The following KSR1 variants were observed in gnomAD, a reference collection of about 807,000 sequenced individuals.
KSR1 encodes the protein kinase suppressor of ras.
In KSR1, 35 loss-of-function variants were observed where a neutral mutation model predicts 92.9. The ratio of observed to expected loss-of-function variants is 0.38; its 90% CI spans 0.29 to 0.50. The LOEUF is 0.50. Among genes scored for constraint, KSR1 ranks in the 20% least tolerant of loss-of-function variants. KSR1 has a pLI of 0.94. For missense variants in KSR1, 972 were observed against 1,158.5 expected (o/e 0.84, Z 2.34); for synonymous variants, 467 against 472.6 (o/e 0.99, Z 0.15).
chr17:27,562,897 A>T (rs2071889581), intron 2 of KSR1, among the ~76,000 whole-genome samples: 2 of 152,168 alleles, frequency 1.3e-5, no homozygotes, highest in Admixed American at 6.5e-5. Flanking sequence ...TTCCTTTGCC[A>T]CTTGCCAGCA....
rs1251298946 is a variant in KSR1 at position 27,601,163 on chromosome 17, C to T, written c.1469-197C>T. 3 of 586,942 alleles carry T rather than the reference C, an allele frequency of 5.1e-6. No homozygotes were observed. In the African/African-American group the frequency reaches 5.6e-5, roughly 11 times the overall value. 36.4% of individuals were successfully genotyped at this position (586,942 alleles called of 1,614,324 possible). ...GCAAGCCCCTTTAGTCCTGCAGACT[C>T]CTGCCAGGGCCCATTTTCTCCCAGC... On this transcript the variant is annotated intron_variant, in intron 10 of 20. Coordinates refer to ENST00000644974, the MANE Select transcript of KSR1 (RefSeq NM_001394583.1).
chr17:27,541,703 C>T (rs1449109907), intron 1 of KSR1, among the ~76,000 whole-genome samples: 3 of 152,208 alleles, frequency 2.0e-5, no homozygotes, highest in African/African-American at 7.2e-5. Context: ...GTTGGAATCC[C>T]TTCTTTAACC....
At chr17:27,499,823 C>T (rs1026415754) in intron 1 of KSR1, among the ~76,000 whole-genome samples, 3 of 152,214 alleles carry the variant, frequency 2.0e-5, no homozygotes, top group African/African-American at 7.2e-5. Context: ...CATCAGCCAC[C>T]ACCAAAGCAG....
chr17:27,555,523 TG>T (rs1178316440), intron 2 of KSR1, among the ~76,000 whole-genome samples: 7 of 151,078 alleles, frequency 4.6e-5, no homozygotes, highest in Non-Finnish European at 8.9e-5. Context: ...TGTGTGTGTG[TG>T]TGTGTGTGTG....
rs370709755 is a variant in KSR1 at position 27,619,984 on chromosome 17, C to G, written c.2628-1209C>G. Among the ~76,000 whole-genome samples, 10 of 152,336 alleles carry G rather than the reference C, an allele frequency of 6.6e-5. No individual in the cohort carries two copies. The East Asian group carries it at 1.5e-3, about 24-fold the overall frequency. ...CAGTGCTGGGATTACAGGCATGAGC[C>G]ACCGCGCCCGGCCTTCGGGCCCTGT... On this transcript the variant is annotated intron_variant, in intron 19 of 20. Coordinates refer to ENST00000644974, the MANE Select transcript of KSR1 (RefSeq NM_001394583.1).
chr17:27,545,273 C>G (rs554493251), intron 1 of KSR1, among the ~76,000 whole-genome samples: 1 of 152,214 alleles, frequency 6.6e-6, no homozygotes, highest in African/African-American at 2.4e-5. Flanking sequence ...ATGTTCAGAC[C>G]CCTGTCTCAT....
At chr17:27,585,516 A>G (rs1598085927) in intron 4 of KSR1, 141 bp from the exon 5 acceptor site, 1 of 698,912 alleles carries the variant, frequency 1.4e-6, no homozygotes, top group Non-Finnish European at 2.7e-6. Flanking sequence ...CCCAGAGTCA[A>G]TCAGCCAGTC....
intron 1 of KSR1, among the ~76,000 whole-genome samples, chr17:27,484,081 G>A (rs1193394375): frequency 6.6e-6 from 1 of 152,126 alleles, no homozygotes; most frequent in Non-Finnish European, 1.5e-5. Flanking sequence ...GCTGACTTGG[G>A]GTGTGAGAAA....
At chr17:27,541,953 G>A (rs1419990397) in intron 1 of KSR1, among the ~76,000 whole-genome samples, 3 of 152,228 alleles carry the variant, frequency 2.0e-5, no homozygotes, top group African/African-American at 7.2e-5. Context: ...CCCACATCCC[G>A]ATGTAGCTTT....
chr17:27,619,205 C>A (rs547522434), intron 19 of KSR1, among the ~76,000 whole-genome samples: 18 of 152,248 alleles, frequency 1.2e-4, no homozygotes, highest in African/African-American at 4.3e-4. Flanking sequence ...AACTCCCATA[C>A]CTGGCGCCAG....
intron 18 of KSR1, among the ~76,000 whole-genome samples, chr17:27,616,618 G>T (rs968816671): frequency 6.6e-6 from 1 of 152,178 alleles, no homozygotes; most frequent in African/African-American, 2.4e-5. Flanking sequence ...GTATTTAAGA[G>T]CAAAAGCCTG....
chr17:27,534,574 T>A (rs1189748384), intron 1 of KSR1, among the ~76,000 whole-genome samples: 1 of 152,240 alleles, frequency 6.6e-6, no homozygotes, highest in Non-Finnish European at 1.5e-5. Context: ...TCTGTTGGCC[T>A]CTAGGCCCCA....
intron 15 of KSR1, 120 bp downstream of exon 15, chr17:27,608,130 C>A: frequency 1.5e-6 from 1 of 670,462 alleles, no homozygotes; most frequent in Non-Finnish European, 2.7e-6. Flanking sequence ...CTCCTTCTAG[C>A]TCAGGCTCCT....
Position 27,568,759 on chromosome 17 carries a change from C to G in KSR1, c.373-8733C>G, listed in dbSNP as rs139325611. Among the ~76,000 whole-genome samples, 18 of 152,376 alleles carry G rather than the reference C, an allele frequency of 1.2e-4. 1 individual carries two copies. Among genetic ancestry groups the G allele is most frequent in the African/African-American group, 4.3e-4 (18 of 41,588 alleles). ...TTGCCGGCAACAGTCCCAGCTGAGG[C>G]CTGCTGTCAGGGCTCTGCCTTCCGT... On this transcript the variant is annotated intron_variant, in intron 2 of 20. Transcript: ENST00000644974.
intron 1 of KSR1, among the ~76,000 whole-genome samples, chr17:27,531,157 A>G (rs2070521379): frequency 6.6e-6 from 1 of 152,122 alleles, no homozygotes; most frequent in African/African-American, 2.4e-5. Context: ...CCAGTGCCCT[A>G]TTCGCCTCTC....
At chr17:27,603,996 A>G (rs2073661283) in intron 12 of KSR1, 108 bp downstream of exon 12, 1 of 1,112,462 alleles carries the variant, frequency 9.0e-7, no homozygotes, top group South Asian at 1.3e-5. Flanking sequence ...AGCCAGCCAG[A>G]TGCAGAACTC....
chr17:27,600,944 G>T (rs1187322652), intron 10 of KSR1, among the ~76,000 whole-genome samples: 1 of 152,194 alleles, frequency 6.6e-6, no homozygotes, highest in East Asian at 1.9e-4. Flanking sequence ...TGTGGGTAGG[G>T]AGTGGTAAGG....
chr17:27,525,992 C>CTTTTCTT (rs2070247975), intron 1 of KSR1, among the ~76,000 whole-genome samples: 1 of 35,644 alleles, frequency 2.8e-5, no homozygotes, highest in Non-Finnish European at 5.2e-5. Context: ...CTGCAACTAA[C>CTTTTCTT]TTTTCTTTTC....
In KSR1 at chr17:27,609,401, C is replaced by T. The variant is rs2073853744; in HGVS notation, c.2225+72C>T. ...GAAGAGCAGGGCTGAGGTCTGGGCA[C>T]TTTCACTGTTTGTTGCTGAGCTGCA... On this transcript the variant is annotated intron_variant, in intron 16 of 20. Transcript: ENST00000644974. The T allele has an allele frequency of 1.9e-6, 3 of 1,579,116 alleles. No homozygotes were observed. In the South Asian group the frequency reaches 3.4e-5, roughly 18 times the overall value.
Sources: gnomAD v4.1 joint callset for allele counts (sites outside exome capture counted in the v4.1 genomes callset) on GRCh38, gnomAD v4.1.1 for gene constraint, MANE v1.5 for transcripts, NCBI Gene and HGNC (gene_info 2026-07-23, HGNC 2026-07-21) for gene names.